Variants in TEX11 observed in about 807,000 individuals in gnomAD.
The protein encoded by TEX11 is testis expressed 11, also known as testis-expressed protein 11.
TEX11 carries 7 observed loss-of-function variants against 84.4 expected under a neutral mutation model. That is an observed-to-expected ratio of 0.08 (90% confidence interval 0.05 to 0.16). The LOEUF is 0.16. Ranked by LOEUF, TEX11 falls within the 10% of genes least tolerant of loss-of-function variation. The probability of loss-of-function intolerance (pLI) is 1.00; values close to 1 mark genes in which losing one functional copy is unlikely to be tolerated. For synonymous variants in TEX11, 264 were observed against 222.8 expected, an observed-to-expected ratio of 1.18 and a Z score of -1.64; for missense variants, 551 against 660.5, an observed-to-expected ratio of 0.83 and a Z score of 1.82.
At chrX:70,559,422 G>C (rs1192128769) in intron 25 of TEX11, among the ~76,000 whole-genome samples, 1 of 112,111 alleles carries the variant, frequency 8.9e-6, no homozygotes, top group Non-Finnish European at 1.9e-5. Context: ...AGAAATGCAA[G>C]GGAAACTAAA....
the TEX11 span, among the ~76,000 whole-genome samples, chrX:70,520,725 A>C: frequency 1.8e-5 from 2 of 112,249 alleles, no homozygotes; most frequent in Non-Finnish European, 3.8e-5. Context: ...TTGTTCAGCT[A>C]TGCCCTGCCC....
At chrX:70,869,386 T>C (rs539935311) in intron 4 of TEX11, among the ~76,000 whole-genome samples, 4 of 110,536 alleles carry the variant, frequency 3.6e-5, no homozygotes, top group East Asian at 5.7e-4. Flanking sequence ...GACAAGCTTC[T>C]TGAATTGAAA....
intron 13 of TEX11, among the ~76,000 whole-genome samples, chrX:70,711,508 G>A (rs1209696672): frequency 9.0e-6 from 1 of 111,118 alleles, no homozygotes; most frequent in African/African-American, 3.3e-5. Context: ...GTATCTCATT[G>A]TGGTTTTGAT....
At chrX:70,627,905 TC>T (rs1045255046) in intron 18 of TEX11, among the ~76,000 whole-genome samples, 4 of 111,586 alleles carry the variant, frequency 3.6e-5, no homozygotes, top group African/African-American at 1.3e-4. Flanking sequence ...CTACTTTATC[TC>T]ATACTCCTCC....
the TEX11 span, among the ~76,000 whole-genome samples, chrX:70,514,572 T>C: frequency 1.1e-5 from 1 of 92,289 alleles, no homozygotes; most frequent in South Asian, 5.5e-4. Flanking sequence ...TCCAGCCTGG[T>C]GTCAGAGCCG....
At chrX:70,792,363 CACAA>C (rs2091129541) in intron 9 of TEX11, among the ~76,000 whole-genome samples, 1 of 36,093 alleles carries the variant, frequency 2.8e-5, no homozygotes, top group Non-Finnish European at 4.8e-5. Flanking sequence ...TATATACACA[CACAA>C]ATATATATCT....
At chrX:70,520,732 G>T in the TEX11 span, among the ~76,000 whole-genome samples, 1 of 112,306 alleles carries the variant, frequency 8.9e-6, no homozygotes, top group South Asian at 3.7e-4. Flanking sequence ...GCTATGCCCT[G>T]CCCCCAGAGG....
intron 11 of TEX11, among the ~76,000 whole-genome samples, chrX:70,730,680 G>A (rs1427562239): frequency 1.8e-5 from 2 of 111,217 alleles, no homozygotes; most frequent in South Asian, 3.8e-4. Flanking sequence ...ACAAAGAGAC[G>A]TAGACTCCCA....
intron 25 of TEX11, among the ~76,000 whole-genome samples, chrX:70,574,523 C>A (rs2088647874): frequency 9.0e-6 from 1 of 111,639 alleles, no homozygotes; most frequent in Admixed American, 9.6e-5. Context: ...AGGATCTTTG[C>A]AGAGGGTTCT....
At chrX:70,794,969 T>C (rs1020388279) in intron 9 of TEX11, among the ~76,000 whole-genome samples, 2 of 108,212 alleles carry the variant, frequency 1.8e-5, no homozygotes, top group African/African-American at 6.7e-5. Flanking sequence ...GAAAGGGGAC[T>C]TTATCTTGCA....
the TEX11 span, among the ~76,000 whole-genome samples, chrX:70,511,752 CA>C: frequency 9.6e-3 from 312 of 32,638 alleles, no homozygotes; most frequent in Non-Finnish European, 0.014. Context: ...GACTCCATCT[CA>C]AAAAAAAAAA....
chrX:70,771,483 T>C (rs897527713), intron 9 of TEX11, among the ~76,000 whole-genome samples: 40 of 111,954 alleles, frequency 3.6e-4, no homozygotes, highest in Admixed American at 1.2e-3. Context: ...TTCCTGTGTA[T>C]ACTCTTTGGC....
At chrX:70,906,198 C>G (rs1399863991) in intron 2 of TEX11, among the ~76,000 whole-genome samples, 1 of 79,880 alleles carries the variant, frequency 1.3e-5, no homozygotes, top group Non-Finnish European at 2.4e-5. Flanking sequence ...TATAAAATAA[C>G]TATTTATATA....
At chrX:70,897,895 A>C (rs760067860) in intron 2 of TEX11, among the ~76,000 whole-genome samples, 1 of 111,491 alleles carries the variant, frequency 9.0e-6, no homozygotes, top group Non-Finnish European at 1.9e-5. Context: ...AAATTCCAGT[A>C]ATACACTCTA....
chrX:70,866,634 C>T (rs959123235), intron 4 of TEX11, among the ~76,000 whole-genome samples: 13 of 111,457 alleles, frequency 1.2e-4, no homozygotes, highest in African/African-American at 4.2e-4. Context: ...AACATCAATG[C>T]GAAAATCCTC....
At chrX:70,570,367 G>A (rs150603518) in intron 25 of TEX11, among the ~76,000 whole-genome samples, 1,187 of 112,200 alleles carry the variant, frequency 0.011, 13 homozygotes, top group African/African-American at 0.037. Context: ...CCCAAGTGAC[G>A]CAATGCCTCG....
intron 9 of TEX11, among the ~76,000 whole-genome samples, chrX:70,762,665 C>T (rs946405588): frequency 3.6e-5 from 4 of 111,114 alleles, no homozygotes; most frequent in Admixed American, 9.6e-5. Flanking sequence ...GATCCCCCAC[C>T]GCCGCTCCAT....
intron 25 of TEX11, among the ~76,000 whole-genome samples, chrX:70,562,155 A>G (rs2088384408): frequency 1.8e-5 from 2 of 112,206 alleles, no homozygotes; most frequent in Non-Finnish European, 3.8e-5. Context: ...TCACTTCCAT[A>G]AGCAAATGCC....
At chrX:70,779,286 G>A (rs187654876) in intron 9 of TEX11, among the ~76,000 whole-genome samples, 434 of 107,269 alleles carry the variant, frequency 4.0e-3, no homozygotes, top group Middle Eastern at 0.019. Flanking sequence ...GTGGTCGTGG[G>A]TGCCTGTAAT....
Sources: gnomAD v4.1 joint callset for allele counts (sites outside exome capture counted in the v4.1 genomes callset) on GRCh38, gnomAD v4.1.1 for gene constraint, MANE v1.5 for transcripts, NCBI Gene and HGNC (gene_info 2026-07-23, HGNC 2026-07-21) for gene names.